The following MYO3A variants were observed in gnomAD, a reference collection of about 807,000 sequenced individuals.
MYO3A encodes the protein myosin IIIA.
A neutral mutation model predicts 192.7 loss-of-function variants in MYO3A; 180 were observed. The observed-to-expected ratio is 0.93, with a 90% CI of 0.83 to 1.06. The LOEUF is 1.06. MYO3A is among the 50% of genes least tolerant of loss of function. The probability of loss-of-function intolerance (pLI) is 0.00; values close to 1 mark genes in which losing one functional copy is unlikely to be tolerated. For synonymous variants in MYO3A, 628 were observed against 645.3 expected (o/e 0.97, Z 0.41); for missense variants, 1,896 against 1,905.0 (o/e 1.00, Z 0.09).
intron 10 of MYO3A, among the ~76,000 whole-genome samples, chr10:26,055,262 C>G (rs1844246370): frequency 6.6e-6 from 1 of 152,150 alleles, no homozygotes; most frequent in Non-Finnish European, 1.5e-5. Flanking sequence ...AAGACAGGCT[C>G]TTTATCCAGT....
intron 20 of MYO3A, among the ~76,000 whole-genome samples, chr10:26,138,598 A>C (rs1273377068): frequency 5.9e-5 from 9 of 152,210 alleles, no homozygotes; most frequent in Non-Finnish European, 8.8e-5. Context: ...TTTTCTTCAA[A>C]ATGACTCATA....
At chr10:26,016,334 T>A (rs558447647) in intron 6 of MYO3A, among the ~76,000 whole-genome samples, 24 of 152,244 alleles carry the variant, frequency 1.6e-4, no homozygotes, top group African/African-American at 4.3e-4. Flanking sequence ...CCAGGGTTGG[T>A]AGATGGAAAA....
chr10:26,072,725 T>C (rs193155759), intron 14 of MYO3A, among the ~76,000 whole-genome samples: 1 of 151,952 alleles, frequency 6.6e-6, no homozygotes, highest in East Asian at 1.9e-4. Flanking sequence ...TGTGGGACTA[T>C]TGGGTTTCAT....
intron 10 of MYO3A, among the ~76,000 whole-genome samples, chr10:26,054,751 C>T (rs72795845): frequency 0.16 from 24,759 of 152,088 alleles, 2,312 homozygotes; most frequent in Non-Finnish European, 0.21. Flanking sequence ...CAGCCATGAC[C>T]GAAGAATGCC....
At chr10:26,038,267 C>T (rs1843144925) in intron 10 of MYO3A, among the ~76,000 whole-genome samples, 1 of 152,144 alleles carries the variant, frequency 6.6e-6, no homozygotes, top group South Asian at 2.1e-4. Flanking sequence ...ACAGGGATTG[C>T]AATTAAATCT....
chr10:26,201,577 T>C (rs1219433804), intron 33 of MYO3A, among the ~76,000 whole-genome samples: 1 of 151,192 alleles, frequency 6.6e-6, no homozygotes, highest in African/African-American at 2.4e-5. Context: ...TCCCAGCTAC[T>C]CAGGAGGCTG....
chr10:26,015,721 C>T (rs1428646416), intron 6 of MYO3A, among the ~76,000 whole-genome samples: 1 of 152,108 alleles, frequency 6.6e-6, no homozygotes, highest in Non-Finnish European at 1.5e-5. Context: ...GTCACTTGTT[C>T]ATAGTTGGGC....
chr10:26,111,524 G>T (rs577565647), intron 17 of MYO3A, among the ~76,000 whole-genome samples: 163 of 152,066 alleles, frequency 1.1e-3, no homozygotes, highest in Non-Finnish European at 1.9e-3. Context: ...TTTCAAATCT[G>T]GCCACTCCCC....
At chr10:26,021,369 A>T in intron 7 of MYO3A, 134 bp from the exon 8 acceptor site, 1 of 1,045,170 alleles carries the variant, frequency 9.6e-7, no homozygotes, top group South Asian at 1.3e-5. Context: ...TCTCCTCCTA[A>T]GTTACTGCCT....
intron 20 of MYO3A, among the ~76,000 whole-genome samples, chr10:26,130,511 C>G (rs1248772335): frequency 6.6e-6 from 1 of 152,154 alleles, no homozygotes; most frequent in East Asian, 1.9e-4. Flanking sequence ...CTATAAAGCC[C>G]TTTAAGATAC....
rs545789826 is a variant in MYO3A, at chr10:26,054,003, G to C, written c.954-12972G>C. Reference sequence around the variant, plus strand: ...AGAGAAGAGTCAGCCTTTGAGGCAGGAGTGAGCCAGGTGTTAGAGGCTCGG... The same window carrying C: ...AGAGAAGAGTCAGCCTTTGAGGCAGCAGTGAGCCAGGTGTTAGAGGCTCGG... On this transcript the variant is annotated intron_variant, in intron 10 of 34. Transcript: ENST00000642920. Among the ~76,000 whole-genome samples, 10 of 152,254 alleles carry C rather than the reference G, an allele frequency of 6.6e-5. No individual in the cohort carries two copies. In the South Asian group the frequency reaches 2.1e-3, roughly 32 times the overall value.
chr10:26,008,390 A>C (rs1178061233), intron 6 of MYO3A, among the ~76,000 whole-genome samples: 1 of 148,756 alleles, frequency 6.7e-6, no homozygotes, highest in South Asian at 2.1e-4. Flanking sequence ...AATGGGATCT[A>C]ATTAAACTAA....
At chr10:26,185,105 C>G (rs913718915) in intron 31 of MYO3A, among the ~76,000 whole-genome samples, 6 of 152,150 alleles carry the variant, frequency 3.9e-5, no homozygotes, top group Non-Finnish European at 8.8e-5. Context: ...GGCTGGCCAC[C>G]TTGCATTGCA....
At chr10:26,128,965 G>A (rs1322800925) in intron 20 of MYO3A, among the ~76,000 whole-genome samples, 1 of 152,178 alleles carries the variant, frequency 6.6e-6, no homozygotes, top group East Asian at 1.9e-4. Context: ...TAAGATAATG[G>A]GTTTGATGCA....
chr10:26,030,381 G>T (rs1250918728), intron 10 of MYO3A, among the ~76,000 whole-genome samples: 1 of 152,056 alleles, frequency 6.6e-6, no homozygotes. Flanking sequence ...GTTTGGAAGA[G>T]GTGGGAGTTG....
Position 26,173,819 on chromosome 10 carries a change from G to A in MYO3A, c.3555G>A (p.Val1185=), listed in dbSNP as rs1473156528. Residue 1185 remains valine, a synonymous_variant, in exon 30 of 35, where the codon GTG becomes GTA. Transcript: ENST00000642920. ...ATGCTGTGGAGAGTAACAACAGAGT[G>A]TATCAGACTCCAAAAAAAATGAATA... The part of the protein sequence containing the change: ...TTNAVESNNR[V]YQTPKKMNNV... 1.2e-6 allele frequency: 2 copies of A among 1,614,070 alleles called. No individual in the cohort carries two copies. The highest frequency in any genetic ancestry group is 1.1e-5 in the South Asian group (1 of 91,086).
At chr10:26,159,361 T>A (rs935335287) in intron 26 of MYO3A, among the ~76,000 whole-genome samples, 2 of 134,222 alleles carry the variant, frequency 1.5e-5, no homozygotes, top group Admixed American at 7.8e-5. Context: ...TTTTTTCTTT[T>A]TCTTTTTTTT....
At chr10:25,974,052 C>T (rs1469388104) in intron 4 of MYO3A, among the ~76,000 whole-genome samples, 1 of 152,124 alleles carries the variant, frequency 6.6e-6, no homozygotes, top group Non-Finnish European at 1.5e-5. Flanking sequence ...ATGATGAAAA[C>T]ACCAAAAGCA....
chr10:26,074,259 A>G (rs1237576225), intron 14 of MYO3A, among the ~76,000 whole-genome samples: 4 of 152,168 alleles, frequency 2.6e-5, no homozygotes, highest in Non-Finnish European at 4.4e-5. Context: ...GTGAGGCTGC[A>G]TAGTTCAAAA....
Sources: allele counts gnomAD v4.1 joint callset (sites outside exome capture counted in the v4.1 genomes callset), GRCh38; gene constraint gnomAD v4.1.1; transcripts MANE v1.5; gene names NCBI Gene and HGNC (gene_info 2026-07-23, HGNC 2026-07-21).